Variants in FOXRED2 observed in about 807,000 individuals in gnomAD.
FOXRED2 encodes the protein FAD dependent oxidoreductase domain containing 2.
Under a neutral mutation model 52.5 loss-of-function variants are expected in FOXRED2, and 32 were observed. That is an observed-to-expected ratio of 0.61 (90% CI 0.46 to 0.82). The LOEUF is 0.82. Among genes scored for constraint, FOXRED2 ranks in the 40% least tolerant of loss-of-function variants. FOXRED2 has a pLI of 0.00. For synonymous variants in FOXRED2, 405 were observed against 398.1 expected (o/e 1.02, Z -0.21); for missense variants, 848 against 937.5 (o/e 0.90, Z 1.25).
At chr22:36,506,504 C>A (rs947919637) in intron 1 of FOXRED2, 81 bp from the exon 2 acceptor site, 27 of 1,308,764 alleles carry the variant, frequency 2.1e-5, no homozygotes, top group East Asian at 2.6e-5. Flanking sequence ...GCGGGGCCTG[C>A]GGGAACTCTC....
At position 36,488,973 on chromosome 22, in the gene FOXRED2, C is replaced by A. The variant is rs1272982534; in HGVS notation, c.*1035G>T. 6.6e-6 allele frequency: 1 copy of A among 152,230 alleles called. No individual in the cohort carries two copies. Among genetic ancestry groups the A allele is most frequent in the Non-Finnish European group, 1.5e-5 (1 of 68,052 alleles). The allele number at this position is 152,230 out of a possible 1,614,324, so 9.4% of individuals were successfully genotyped here. On this transcript the variant is annotated 3_prime_UTR_variant, in exon 9 of 9. Transcript: ENST00000397224. Reference sequence around the variant, plus strand: ...TTATCTTATGCACTTACAAATGAGACTAAGACGCCTGATGGGAAAGTGCAG... The same window carrying A: ...TTATCTTATGCACTTACAAATGAGAATAAGACGCCTGATGGGAAAGTGCAG...
At chr22:36,502,220 C>G (rs1934074821) in intron 4 of FOXRED2, among the ~76,000 whole-genome samples, 1 of 152,098 alleles carries the variant, frequency 6.6e-6, no homozygotes, top group South Asian at 2.1e-4. Context: ...CACAGTGGCT[C>G]ACGCCTGTAA....
In FOXRED2 at chr22:36,488,888, TAGTA is replaced by T. The variant is rs1433604792; in HGVS notation, c.*1116_*1119del. On this transcript the variant is annotated 3_prime_UTR_variant, in exon 9 of 9. Coordinates refer to ENST00000397224, the MANE Select transcript of FOXRED2 (RefSeq NM_001102371.2). ...AATTCTGAGTGGATACATGAAGAGT[TAGTA>T]AGAACCAGTGAAAAAGCAATCACTT... 1 of 152,220 alleles carries T rather than the reference TAGTA, an allele frequency of 6.6e-6. No homozygotes were observed. The highest frequency in any genetic ancestry group is 1.5e-5 in the Non-Finnish European group (1 of 68,052). 9.4% of individuals were successfully genotyped at this position (152,220 alleles called of 1,614,324 possible).
intron 5 of FOXRED2, among the ~76,000 whole-genome samples, chr22:36,500,888 C>G (rs1185061485): frequency 6.6e-6 from 1 of 151,818 alleles, no homozygotes; most frequent in Non-Finnish European, 1.5e-5. Context: ...CTGGCCTACA[C>G]TTAATTTTAT....
chr22:36,504,033 G>C, intron 4 of FOXRED2, 65 bp downstream of exon 4: 1 of 1,545,990 alleles, frequency 6.5e-7, no homozygotes. Context: ...CAGCCACCCT[G>C]TTCCCCTAGG....
Position 36,501,376 on chromosome 22 carries a change from C to T in FOXRED2, c.1081G>A (p.Gly361Ser), listed in dbSNP as rs373333112. Reference sequence around the variant, plus strand: ...GCTCGAATCAGCGGGTACTTCTTGCCGAATGCATTTCCCGAGTTAAGTCTG... The same window carrying T: ...GCTCGAATCAGCGGGTACTTCTTGCTGAATGCATTTCCCGAGTTAAGTCTG... ...SLRLNSGNAFGKKYPLIRASY... is the reference protein window; with the variant it reads ...SLRLNSGNAFSKKYPLIRASY... Residue 361 changes from glycine to serine, a missense_variant, in exon 5 of 9, where the codon GGC becomes AGC. Physicochemically the swap from Gly to Ser is moderately conservative, Grantham distance 56. Transcript: ENST00000397224. The T allele has an allele frequency of 1.3e-5, 21 of 1,613,946 alleles. No individual in the cohort carries two copies. Among genetic ancestry groups the T allele is most frequent in the East Asian group, 2.2e-5 (1 of 44,886 alleles).
At chr22:36,496,250 C>T in intron 6 of FOXRED2, 42 bp from the exon 7 acceptor site, 1 of 1,610,238 alleles carries the variant, frequency 6.2e-7, no homozygotes. Flanking sequence ...AGTGCTGTGG[C>T]AGAGGTGAGG....
chr22:36,506,532 G>C, intron 1 of FOXRED2, 109 bp from the exon 2 acceptor site: 1 of 1,119,296 alleles, frequency 8.9e-7, no homozygotes, highest in Non-Finnish European at 1.2e-6. Context: ...TCTGGGTCAC[G>C]GCCAGGCCCA....
rs1221035866 is a variant in FOXRED2, at chr22:36,504,172, G to A, written c.975C>T (p.Asn325=). The change falls in exon 4 of 9, where the codon AAC becomes AAT. Residue 325 remains asparagine (N), a synonymous_variant. Coordinates refer to ENST00000397224, the MANE Select transcript of FOXRED2 (RefSeq NM_001102371.2). ...GGTCATAGGGCACGCGCATGGCAAA[G>A]TTGTCATTGTCGTCCTGGGGGAGGG... ...SITLPQDDND[N]FAMRVPYDRV... 1 of 1,614,266 alleles carries A rather than the reference G, an allele frequency of 6.2e-7. No homozygotes were observed.
At chr22:36,501,095 T>C (rs1934029870) in intron 5 of FOXRED2, 146 bp downstream of exon 5, 1 of 856,254 alleles carries the variant, frequency 1.2e-6, no homozygotes, top group African/African-American at 1.7e-5. Flanking sequence ...CAAAAACCTG[T>C]TGTCACTTCC....
chr22:36,493,599 T>C, intron 8 of FOXRED2, 34 bp downstream of exon 8: 1 of 1,599,378 alleles, frequency 6.3e-7, no homozygotes, highest in Non-Finnish European at 8.6e-7. Flanking sequence ...AACCTGGAGC[T>C]CAGACCCTTT....
intron 7 of FOXRED2, among the ~76,000 whole-genome samples, chr22:36,495,660 C>T (rs1197114985): frequency 1.3e-5 from 2 of 152,232 alleles, no homozygotes; most frequent in South Asian, 2.1e-4. Context: ...CTTCAGACCC[C>T]TCCCGCCCCA....
chr22:36,502,182 A>G (rs1056626251), intron 4 of FOXRED2, among the ~76,000 whole-genome samples: 3 of 147,842 alleles, frequency 2.0e-5, no homozygotes, highest in Non-Finnish European at 3.0e-5. Context: ...CAAACAAACA[A>G]ACAAACAAAC....
chr22:36,498,991 G>A (rs1763340182), intron 5 of FOXRED2, among the ~76,000 whole-genome samples: 1 of 152,178 alleles, frequency 6.6e-6, no homozygotes, highest in African/African-American at 2.4e-5. Context: ...CTGGAGCGCA[G>A]TGGCACGATC....
chr22:36,494,420 C>A (rs1364096138), intron 7 of FOXRED2, among the ~76,000 whole-genome samples: 2 of 152,092 alleles, frequency 1.3e-5, no homozygotes, highest in East Asian at 3.9e-4. Flanking sequence ...GCCACTGCGC[C>A]TGGCTGTGGC....
chr22:36,504,770 C>A lies in FOXRED2; in HGVS notation c.528-4G>T, dbSNP rs1318820234. 6.2e-7 allele frequency: 1 copy of A among 1,613,614 alleles called. No homozygotes were observed. The highest frequency in any genetic ancestry group is 8.5e-7 in the Non-Finnish European group (1 of 1,179,610). ...ACCAGTGGCTACAAAGAGGACGCTG[C>A]AGGCGGGGACAGAGGAAAGATGGCT... On this transcript the variant is annotated splice_polypyrimidine_tract_variant and splice_region_variant and intron_variant, in intron 2 of 8. Transcript: ENST00000397224.
chr22:36,501,696 G>A (rs1448777101), intron 4 of FOXRED2, among the ~76,000 whole-genome samples: 1 of 152,016 alleles, frequency 6.6e-6, no homozygotes, highest in Non-Finnish European at 1.5e-5. Context: ...CCTGACCTTA[G>A]GTGATCTGTC....
At chr22:36,492,586 C>T (rs978607808) in intron 8 of FOXRED2, among the ~76,000 whole-genome samples, 17 of 152,176 alleles carry the variant, frequency 1.1e-4, no homozygotes. Context: ...GATCTCGGGT[C>T]ACTGCAACAT....
At position 36,497,094 on chromosome 22, in the gene FOXRED2, C is replaced by T. The variant is rs565815190; in HGVS notation, c.1383-886G>A. 3.2e-4 allele frequency among the ~76,000 whole-genome samples: 49 copies of T among 152,136 alleles called. No individual in the cohort carries two copies. In the South Asian group the frequency reaches 9.3e-3, roughly 29 times the overall value. On this transcript the variant is annotated intron_variant, in intron 6 of 8. Coordinates refer to ENST00000397224, the MANE Select transcript of FOXRED2 (RefSeq NM_001102371.2). ...ACTCGGGAGGCTGAGACACGAGAATCGCTTGAACCTGGGAGGTGGGCTGCA... is the reference window on the plus strand; with the variant it reads ...ACTCGGGAGGCTGAGACACGAGAATTGCTTGAACCTGGGAGGTGGGCTGCA...
Sources: gnomAD v4.1 joint callset for allele counts (sites outside exome capture counted in the v4.1 genomes callset) on GRCh38, gnomAD v4.1.1 for gene constraint, MANE v1.5 for transcripts, NCBI Gene and HGNC (gene_info 2026-07-23, HGNC 2026-07-21) for gene names.